The following DEPDC5 variants were observed in gnomAD, a reference collection of about 807,000 sequenced individuals.
DEPDC5 encodes the protein DEP domain containing 5, GATOR1 subcomplex subunit.
Under a neutral mutation model 217.3 loss-of-function variants are expected in DEPDC5, and 73 were observed. That is an observed-to-expected ratio of 0.34 (90% CI 0.28 to 0.41). The LOEUF is 0.41. DEPDC5 is among the 10% of genes least tolerant of loss of function. DEPDC5 has a pLI of 1.00. For missense variants in DEPDC5, 1,675 were observed against 2,070.1 expected, an observed-to-expected ratio of 0.81 and a Z score of 3.70; for synonymous variants, 733 against 756.7, an observed-to-expected ratio of 0.97 and a Z score of 0.51.
intron 8 of DEPDC5, among the ~76,000 whole-genome samples, chr22:31,780,280 A>G (rs2084292710): frequency 6.6e-6 from 1 of 152,188 alleles, no homozygotes. Flanking sequence ...ACTTGCTCAT[A>G]GATTGGATGT....
chr22:31,795,065 ATTT>A (rs983604458), intron 12 of DEPDC5, among the ~76,000 whole-genome samples: 2,695 of 107,244 alleles, frequency 0.025, 24 homozygotes, highest in African/African-American at 0.046. Flanking sequence ...ATTCCATGTG[ATTT>A]TTTTTTTTTT....
At chr22:31,862,319 C>T (rs1294356772) in intron 33 of DEPDC5, among the ~76,000 whole-genome samples, 2 of 152,180 alleles carry the variant, frequency 1.3e-5, no homozygotes, top group Non-Finnish European at 1.5e-5. Context: ...AATCCTAGCA[C>T]TTTGGGAGGC....
At position 31,796,765 on chromosome 22, in the gene DEPDC5, C is replaced by T. The variant is rs1273920870; in HGVS notation, c.768-835C>T. On this transcript the variant is annotated intron_variant, in intron 12 of 42. Coordinates refer to ENST00000651528, the MANE Select transcript of DEPDC5 (RefSeq NM_001242896.3). ...AGGCTGGAGTGCAGTGGCTCGATCT[C>T]GGCTCACTGAAACCTCCGCCTCCTG... Among the ~76,000 whole-genome samples, 3 of 151,878 alleles carry T rather than the reference C, an allele frequency of 2.0e-5. No individual in the cohort carries two copies. The East Asian group carries it at 5.8e-4, about 30-fold the overall frequency.
intron 24 of DEPDC5, among the ~76,000 whole-genome samples, chr22:31,832,747 G>A (rs763787530): frequency 5.3e-5 from 8 of 152,126 alleles, no homozygotes; most frequent in Non-Finnish European, 1.0e-4. Flanking sequence ...TATGTTGTTT[G>A]TCCTTTTCTC....
chr22:31,815,823 C>T, intron 21 of DEPDC5: 1 of 1,201,476 alleles, frequency 8.3e-7, no homozygotes, highest in Non-Finnish European at 1.0e-6. Context: ...ACCAATGTTA[C>T]CGCACCCTGC....
intron 32 of DEPDC5, among the ~76,000 whole-genome samples, chr22:31,860,279 G>A (rs565949004): frequency 6.6e-6 from 1 of 152,172 alleles, no homozygotes; most frequent in African/African-American, 2.4e-5. Flanking sequence ...GGGGGTACCT[G>A]CATCAGCATC....
At chr22:31,810,272 A>G in intron 19 of DEPDC5, among the ~76,000 whole-genome samples, 1 of 152,188 alleles carries the variant, frequency 6.6e-6, no homozygotes, top group Admixed American at 6.5e-5. Flanking sequence ...GCCTTTATTT[A>G]GTGCTATACT....
At chr22:31,872,206 G>C (rs547706540) in intron 34 of DEPDC5, among the ~76,000 whole-genome samples, 2 of 152,318 alleles carry the variant, frequency 1.3e-5, no homozygotes, top group South Asian at 4.1e-4. Flanking sequence ...TCACACCTTT[G>C]AGCAAGAATG....
chr22:31,801,485 ATT>A (rs1477447447), intron 14 of DEPDC5, among the ~76,000 whole-genome samples: 2 of 152,186 alleles, frequency 1.3e-5, no homozygotes, highest in African/African-American at 4.8e-5. Context: ...GCCGAAATAT[ATT>A]GTTTGCAAAT....
chr22:31,762,855 T>C (rs893300198), intron 4 of DEPDC5, among the ~76,000 whole-genome samples: 135 of 152,250 alleles, frequency 8.9e-4, no homozygotes, highest in African/African-American at 3.1e-3. Context: ...TTGCCCAGGC[T>C]GGAGTCTGGA....
chr22:31,838,505 C>T (rs2091187830), intron 26 of DEPDC5, among the ~76,000 whole-genome samples, 180 bp from the exon 27 acceptor site: 1 of 152,088 alleles, frequency 6.6e-6, no homozygotes, highest in African/African-American at 2.4e-5. Context: ...CCCATCTCAG[C>T]CTTCCAGAGT....
At chr22:31,807,312 T>G (rs1213548149) in intron 18 of DEPDC5, among the ~76,000 whole-genome samples, 1 of 152,228 alleles carries the variant, frequency 6.6e-6, no homozygotes. Flanking sequence ...GTTTTATTTA[T>G]AATTGTGAGA....
intron 40 of DEPDC5, among the ~76,000 whole-genome samples, chr22:31,901,429 G>C (rs762764181): frequency 3.9e-5 from 6 of 152,112 alleles, no homozygotes; most frequent in Non-Finnish European, 8.8e-5. Flanking sequence ...GCTCCTTTCA[G>C]CTTTGGGTAT....
chr22:31,782,651 C>T (rs2084570992), intron 8 of DEPDC5, among the ~76,000 whole-genome samples: 2 of 152,196 alleles, frequency 1.3e-5, no homozygotes, highest in African/African-American at 2.4e-5. Context: ...ACTGGCAACT[C>T]ATCACCTGGC....
intron 18 of DEPDC5, among the ~76,000 whole-genome samples, chr22:31,809,055 A>G (rs889203881): frequency 2.0e-5 from 3 of 152,164 alleles, no homozygotes; most frequent in Non-Finnish European, 4.4e-5. Flanking sequence ...GGCGTGAACC[A>G]CTGTGCCTGG....
chr22:31,870,502 C>T (rs999832905), intron 33 of DEPDC5, 88 bp from the exon 34 acceptor site: 8 of 1,324,684 alleles, frequency 6.0e-6, no homozygotes, highest in Non-Finnish European at 7.9e-6. Flanking sequence ...TGAATGCTTA[C>T]TGAGTGAATA....
At chr22:31,867,890 A>G (rs1337218486) in intron 33 of DEPDC5, among the ~76,000 whole-genome samples, 1 of 152,170 alleles carries the variant, frequency 6.6e-6, no homozygotes, top group Non-Finnish European at 1.5e-5. Flanking sequence ...AGTACATGAG[A>G]GAACCCCACT....
intron 32 of DEPDC5, chr22:31,858,653 T>C (rs1427018441): frequency 1.3e-5 from 2 of 152,216 alleles, no homozygotes; most frequent in African/African-American, 2.4e-5. Flanking sequence ...TCGTTTTTTT[T>C]CCCCTAAGCA....
At chr22:31,809,471 G>A in intron 18 of DEPDC5, 140 bp from the exon 19 acceptor site, 2 of 802,740 alleles carry the variant, frequency 2.5e-6, no homozygotes, top group Non-Finnish European at 4.2e-6. Context: ...GACCGTGGTA[G>A]GTAGGTGTCA....
Sources: allele counts gnomAD v4.1 joint callset (sites outside exome capture counted in the v4.1 genomes callset), GRCh38; gene constraint gnomAD v4.1.1; transcripts MANE v1.5; gene names NCBI Gene and HGNC (gene_info 2026-07-23, HGNC 2026-07-21).